Variants in MFHAS1 observed in about 807,000 individuals in gnomAD.
MFHAS1 encodes malignant fibrous histiocytoma-amplified sequence 1.
MFHAS1 carries 50 observed loss-of-function variants against 70.4 expected under a neutral mutation model. The ratio of observed to expected loss-of-function variants is 0.71; its 90% CI spans 0.57 to 0.90. The LOEUF is 0.90. MFHAS1 is among the 40% of genes least tolerant of loss of function. The pLI is 0.00. For missense variants in MFHAS1, 1,795 were observed against 1,347.6 expected, an observed-to-expected ratio of 1.33 and a Z score of -5.20; for synonymous variants, 952 against 620.0, an observed-to-expected ratio of 1.54 and a Z score of -7.96.
chr8:8,870,089 T>G (rs1178252459), intron 1 of MFHAS1, among the ~76,000 whole-genome samples: 2 of 152,144 alleles, frequency 1.3e-5, no homozygotes, highest in African/African-American at 2.4e-5. Context: ...AGGCTTTAAT[T>G]TAGCTTAACA....
chr8:8,847,978 T>C (rs1348176882), intron 1 of MFHAS1, among the ~76,000 whole-genome samples: 2 of 152,222 alleles, frequency 1.3e-5, no homozygotes, highest in Non-Finnish European at 2.9e-5. Context: ...TTAAAAACAC[T>C]ATCCAAACAT....
rs1441972293 is a variant in MFHAS1, at chr8:8,785,444, A to G, written c.*578T>C. ...TAAAGAAAAAACAAAAAAGTCTTAT[A>G]CTAAAATAAGAAATCAGCCCCATCT... is the stretch of plus-strand genomic sequence containing the variant. On this transcript the variant is annotated 3_prime_UTR_variant, in exon 3 of 3. Transcript: ENST00000276282. The G allele has an allele frequency of 6.6e-6, 1 of 152,612 alleles. No homozygotes were observed. Among genetic ancestry groups the G allele is most frequent in the Non-Finnish European group, 1.5e-5 (1 of 68,032 alleles). 9.5% of individuals were successfully genotyped at this position (152,612 alleles called of 1,614,324 possible). A position where few individuals can be genotyped will look rare whatever the true frequency, so the allele number is the denominator to read the frequency against.
chr8:8,829,907 G>T (rs1807316870), intron 1 of MFHAS1, among the ~76,000 whole-genome samples: 1 of 152,212 alleles, frequency 6.6e-6, no homozygotes, highest in Non-Finnish European at 1.5e-5. Flanking sequence ...AGGCCAGATG[G>T]TCTGCTGGGA....
intron 1 of MFHAS1, among the ~76,000 whole-genome samples, chr8:8,877,073 G>C (rs191952879): frequency 6.6e-5 from 10 of 152,246 alleles, no homozygotes; most frequent in Non-Finnish European, 1.0e-4. Context: ...GCCAAGGTGA[G>C]TGGACTGCTG....
intron 1 of MFHAS1, among the ~76,000 whole-genome samples, chr8:8,831,121 C>G (rs1424392054): frequency 6.6e-6 from 1 of 151,744 alleles, no homozygotes; most frequent in Admixed American, 6.6e-5. Flanking sequence ...GTTATGTCCT[C>G]ACATGGCAGA....
intron 1 of MFHAS1, among the ~76,000 whole-genome samples, chr8:8,885,944 G>A (rs1809735202): frequency 6.6e-6 from 1 of 152,134 alleles, no homozygotes; most frequent in South Asian, 2.1e-4. Context: ...GGCCAGGATG[G>A]AGAAAGCAGG....
At chr8:8,836,982 A>G (rs1397569189) in intron 1 of MFHAS1, among the ~76,000 whole-genome samples, 1 of 152,242 alleles carries the variant, frequency 6.6e-6, no homozygotes, top group Non-Finnish European at 1.5e-5. Flanking sequence ...TGACCAAAAC[A>G]TAGTTTCATG....
chr8:8,796,582 G>T (rs1021305402), intron 2 of MFHAS1, among the ~76,000 whole-genome samples: 2 of 148,592 alleles, frequency 1.3e-5, no homozygotes, highest in African/African-American at 5.0e-5. Context: ...TACTCGGGAG[G>T]CTGAGGCAGG....
At chr8:8,841,864 A>G (rs1032190948) in intron 1 of MFHAS1, among the ~76,000 whole-genome samples, 10 of 152,238 alleles carry the variant, frequency 6.6e-5, no homozygotes, top group African/African-American at 2.4e-4. Flanking sequence ...TTTAGGAAAT[A>G]TGCCATCCTA....
intron 2 of MFHAS1, among the ~76,000 whole-genome samples, chr8:8,794,072 C>A (rs1805809390): frequency 6.6e-6 from 1 of 152,044 alleles, no homozygotes; most frequent in Non-Finnish European, 1.5e-5. Context: ...CGCCTGTAGT[C>A]CTAGCTACTT....
intron 1 of MFHAS1, among the ~76,000 whole-genome samples, chr8:8,806,258 G>C (rs1275742525): frequency 6.6e-6 from 1 of 152,170 alleles, no homozygotes; most frequent in African/African-American, 2.4e-5. Context: ...CCTTCCCCAA[G>C]TGTCCATTAC....
At chr8:8,798,271 C>T (rs1805976148) in intron 1 of MFHAS1, among the ~76,000 whole-genome samples, 1 of 152,204 alleles carries the variant, frequency 6.6e-6, no homozygotes, top group South Asian at 2.1e-4. Context: ...CAGCTCCTGG[C>T]TGCAGATGGG....
At chr8:8,854,117 C>A (rs1260987540) in intron 1 of MFHAS1, among the ~76,000 whole-genome samples, 2 of 152,160 alleles carry the variant, frequency 1.3e-5, no homozygotes, top group African/African-American at 4.8e-5. Flanking sequence ...AAAATATACG[C>A]TGGGTGTGGT....
chr8:8,862,966 CTG>C (rs1563209509), intron 1 of MFHAS1, among the ~76,000 whole-genome samples: 2 of 152,186 alleles, frequency 1.3e-5, no homozygotes, highest in Non-Finnish European at 2.9e-5. Flanking sequence ...CTTGGTAAGA[CTG>C]TATATTTTTA....
intron 1 of MFHAS1, among the ~76,000 whole-genome samples, chr8:8,857,300 C>T (rs1332333593): frequency 6.6e-6 from 1 of 152,172 alleles, no homozygotes; most frequent in Non-Finnish European, 1.5e-5. Flanking sequence ...CACAAGTTTG[C>T]TCCTAATTTA....
At chr8:8,799,511 T>G (rs1473896623) in intron 1 of MFHAS1, among the ~76,000 whole-genome samples, 2 of 152,232 alleles carry the variant, frequency 1.3e-5, no homozygotes, top group African/African-American at 4.8e-5. Context: ...ATCCCAGCAC[T>G]TTGCGAGGCA....
intron 2 of MFHAS1, among the ~76,000 whole-genome samples, chr8:8,791,130 T>G (rs1202928930): frequency 1.3e-5 from 1 of 78,608 alleles, no homozygotes; most frequent in African/African-American, 6.2e-5. Flanking sequence ...CACCCGTTTT[T>G]TTTTTTTTTT....
intron 1 of MFHAS1, among the ~76,000 whole-genome samples, chr8:8,802,476 G>A (rs1447336312): frequency 2.0e-5 from 3 of 152,180 alleles, no homozygotes; most frequent in Non-Finnish European, 2.9e-5. Flanking sequence ...GCGCATGTGA[G>A]GACATGGCGA....
chr8:8,820,412 A>C (rs919467383), intron 1 of MFHAS1, among the ~76,000 whole-genome samples: 2 of 152,192 alleles, frequency 1.3e-5, no homozygotes, highest in Non-Finnish European at 2.9e-5. Context: ...AGCCATAAGC[A>C]TAACTGCAAC....
Sources: allele counts gnomAD v4.1 joint callset (sites outside exome capture counted in the v4.1 genomes callset), GRCh38; gene constraint gnomAD v4.1.1; transcripts MANE v1.5; gene names NCBI Gene and HGNC (gene_info 2026-07-23, HGNC 2026-07-21).